Variants in PLAT observed in about 807,000 individuals in gnomAD.
The protein encoded by PLAT is plasminogen activator, tissue type.
PLAT carries 48 observed loss-of-function variants against 74.9 expected under a neutral mutation model. The ratio of observed to expected loss-of-function variants is 0.64; its 90% CI spans 0.51 to 0.82. The LOEUF (loss-of-function observed/expected upper bound fraction) is 0.82. PLAT is among the 40% of genes least tolerant of loss of function. PLAT has a pLI of 0.00. For missense variants in PLAT, 673 were observed against 736.2 expected, an observed-to-expected ratio of 0.91 and a Z score of 0.99; for synonymous variants, 307 against 294.4, an observed-to-expected ratio of 1.04 and a Z score of -0.44.
intron 1 of PLAT, among the ~76,000 whole-genome samples, chr8:42,196,563 A>G (rs1017561034): frequency 6.6e-6 from 1 of 152,210 alleles, no homozygotes; most frequent in Non-Finnish European, 1.5e-5. Flanking sequence ...TTCGCTGAAG[A>G]GGTGGGCGTC....
intron 2 of PLAT, 140 bp downstream of exon 2, chr8:42,192,974 C>A: frequency 1.6e-6 from 1 of 637,904 alleles, no homozygotes. Context: ...TGCTCCACAG[C>A]AATGCCAGCC....
intron 1 of PLAT, among the ~76,000 whole-genome samples, chr8:42,196,887 C>A (rs1805931157): frequency 6.7e-6 from 1 of 148,856 alleles, no homozygotes; most frequent in Non-Finnish European, 1.5e-5. Flanking sequence ...GGAAGGGAGG[C>A]ACAGAAGGAT....
intron 1 of PLAT, among the ~76,000 whole-genome samples, chr8:42,207,244 A>G (rs969219264): frequency 3.3e-5 from 5 of 152,094 alleles, no homozygotes; most frequent in Non-Finnish European, 7.4e-5. Context: ...GGCTTCTCCA[A>G]TGAATGCAAC....
chr8:42,178,397 A>C (rs1805063437), intron 13 of PLAT, among the ~76,000 whole-genome samples: 1 of 150,464 alleles, frequency 6.6e-6, no homozygotes, highest in African/African-American at 2.5e-5. Flanking sequence ...CAGCCTCCTG[A>C]GTAGCTGGGA....
At chr8:42,189,143 C>T in intron 3 of PLAT, 72 bp from the exon 4 acceptor site, 1 of 1,517,228 alleles carries the variant, frequency 6.6e-7, no homozygotes, top group Non-Finnish European at 9.1e-7. Context: ...CTTGCACCTA[C>T]TGAGAAAACT....
rs768611611 is a variant in PLAT, at chr8:42,179,915, C to T, written c.1363+11G>A. 3 of 1,574,698 alleles carry T rather than the reference C, an allele frequency of 1.9e-6. No individual in the cohort carries two copies. The highest frequency in any genetic ancestry group is 2.6e-6 in the Non-Finnish European group (3 of 1,156,574). ...GCAGACAGGATGGGGCCGAGACTTC[C>T]TTCCACTTACAGGCCTCATGCTTGC... On this transcript the variant is annotated intron_variant, in intron 12 of 13. Transcript: ENST00000220809.
At chr8:42,197,681 TG>T (rs1805960615) in intron 1 of PLAT, among the ~76,000 whole-genome samples, 1 of 152,126 alleles carries the variant, frequency 6.6e-6, no homozygotes, top group Non-Finnish European at 1.5e-5. Context: ...GGAAAGTCAG[TG>T]GGGTGCTGTC....
At chr8:42,184,113 G>T (rs1253587015) in intron 7 of PLAT, among the ~76,000 whole-genome samples, 3 of 151,554 alleles carry the variant, frequency 2.0e-5, no homozygotes, top group Non-Finnish European at 4.4e-5. Flanking sequence ...ACTAATTTTT[G>T]TATTTTTTGT....
chr8:42,198,130 C>G (rs978372859), intron 1 of PLAT, among the ~76,000 whole-genome samples: 1 of 152,142 alleles, frequency 6.6e-6, no homozygotes, highest in Non-Finnish European at 1.5e-5. Context: ...CCCAGGAGTT[C>G]GAGATCAGCC....
At chr8:42,196,481 A>T (rs1219700196) in intron 1 of PLAT, among the ~76,000 whole-genome samples, 1 of 152,264 alleles carries the variant, frequency 6.6e-6, no homozygotes, top group Non-Finnish European at 1.5e-5. Context: ...TCATCCGGCC[A>T]GCAGAAAAAC....
intron 1 of PLAT, among the ~76,000 whole-genome samples, chr8:42,207,002 C>T (rs1355324149): frequency 6.6e-6 from 1 of 152,156 alleles, no homozygotes; most frequent in African/African-American, 2.4e-5. Flanking sequence ...GCAAATAGTG[C>T]TCTGGAAGTA....
rs375277780 is a variant in PLAT at position 42,180,453 on chromosome 8, G to A, written c.1085+37C>T. On this transcript the variant is annotated intron_variant, in intron 10 of 13. Transcript: ENST00000220809. ...TAAAGGGCTTGGTTTCTAGGCGTTAGAGGGTGGAAAAACCAACTGGGTTTC... is the reference window on the plus strand; with the variant it reads ...TAAAGGGCTTGGTTTCTAGGCGTTAAAGGGTGGAAAAACCAACTGGGTTTC... The A allele has an allele frequency of 3.1e-6, 5 of 1,613,744 alleles. No homozygotes were observed. The South Asian group carries it at 4.4e-5, about 14-fold the overall frequency.
intron 1 of PLAT, among the ~76,000 whole-genome samples, chr8:42,195,385 C>T (rs191656253): frequency 6.6e-6 from 1 of 152,306 alleles, no homozygotes; most frequent in East Asian, 1.9e-4. Flanking sequence ...AAACACAGCT[C>T]AGAGGGAGGC....
intron 9 of PLAT, 120 bp downstream of exon 9, chr8:42,181,817 G>C: frequency 5.5e-6 from 2 of 363,180 alleles, no homozygotes; most frequent in East Asian, 9.7e-5. Flanking sequence ...TCCCCACCCA[G>C]CCTGGAAGTC....
intron 1 of PLAT, among the ~76,000 whole-genome samples, chr8:42,199,195 T>C (rs1422608150): frequency 6.6e-6 from 1 of 152,228 alleles, no homozygotes; most frequent in Non-Finnish European, 1.5e-5. Context: ...AAGGTGATTT[T>C]CTATAGGCTA....
intron 6 of PLAT, chr8:42,186,323 C>G (rs1340533991): frequency 1.3e-5 from 2 of 152,120 alleles, no homozygotes; most frequent in African/African-American, 2.4e-5. Context: ...AAATGCGTAT[C>G]TGATTGCTTC....
intron 10 of PLAT, 40 bp from the exon 11 acceptor site, chr8:42,180,418 G>A (rs1422876880): frequency 6.2e-7 from 1 of 1,613,924 alleles, no homozygotes; most frequent in Non-Finnish European, 8.5e-7. Context: ...TTTTGCTGTG[G>A]GATTTCCCCT....
chr8:42,183,925 T>G (rs8178769), intron 7 of PLAT, among the ~76,000 whole-genome samples: 1 of 151,782 alleles, frequency 6.6e-6, no homozygotes, highest in Non-Finnish European at 1.5e-5. Context: ...CATATATATA[T>G]ACACACACCC....
At chr8:42,187,854 G>A (rs1805544413) in intron 5 of PLAT, 52 bp downstream of exon 5, 10 of 1,221,948 alleles carry the variant, frequency 8.2e-6, no homozygotes, top group Non-Finnish European at 1.1e-5. Context: ...GGGGGCGGGG[G>A]AGACTGGAGA....
Sources: allele counts gnomAD v4.1 joint callset (sites outside exome capture counted in the v4.1 genomes callset), GRCh38; gene constraint gnomAD v4.1.1; transcripts MANE v1.5; gene names NCBI Gene and HGNC (gene_info 2026-07-23, HGNC 2026-07-21).